ANTXR1: variants seen among roughly 807,000 people sequenced by gnomAD.
The protein encoded by ANTXR1 is ANTXR cell adhesion molecule 1.
ANTXR1 carries 19 observed loss-of-function variants against 78.1 expected under a neutral mutation model. The observed-to-expected ratio is 0.24, with a 90% CI of 0.17 to 0.36. ANTXR1 has a LOEUF of 0.36. Among genes scored for constraint, ANTXR1 ranks in the 10% least tolerant of loss-of-function variants. The pLI, the probability that ANTXR1 is intolerant of heterozygous loss-of-function variation, is 1.00. For missense variants in ANTXR1, 518 were observed against 718.6 expected, an observed-to-expected ratio of 0.72 and a Z score of 3.19; for synonymous variants, 273 against 260.5, an observed-to-expected ratio of 1.05 and a Z score of -0.46.
rs565553225 is a variant in ANTXR1 at position 69,107,393 on chromosome 2, C to T, written c.802+4453C>T. On this transcript the variant is annotated intron_variant, in intron 10 of 17. Coordinates refer to ENST00000303714, the MANE Select transcript of ANTXR1 (RefSeq NM_032208.3). ...TAGCTAGGACCACAGATGTGAGCCACCACACCTGGCTAATTTTTGTATTTT... is the reference window on the plus strand; with the variant it reads ...TAGCTAGGACCACAGATGTGAGCCATCACACCTGGCTAATTTTTGTATTTT... Among the ~76,000 whole-genome samples the T allele has an allele frequency of 1.8e-4, 27 of 152,200 alleles. No individual in the cohort carries two copies. The South Asian group carries it at 5.6e-3, about 32-fold the overall frequency.
At chr2:69,132,323 G>A (rs1672774489) in intron 12 of ANTXR1, among the ~76,000 whole-genome samples, 1 of 152,204 alleles carries the variant, frequency 6.6e-6, no homozygotes, top group Non-Finnish European at 1.5e-5. Context: ...AGCAGAGGAG[G>A]GCAGTGACCA....
chr2:69,091,424 T>G (rs1466123388), intron 9 of ANTXR1, among the ~76,000 whole-genome samples: 1 of 116,420 alleles, frequency 8.6e-6, no homozygotes, highest in African/African-American at 3.5e-5. Context: ...CCAGCCTGGG[T>G]GACAGAGCAA....
chr2:69,193,219 T>A (rs1377121242), intron 16 of ANTXR1, 116 bp from the exon 17 acceptor site: 2 of 819,584 alleles, frequency 2.4e-6, no homozygotes, highest in African/African-American at 3.4e-5. Flanking sequence ...CATGACCATA[T>A]TGACAGTGTT....
At chr2:69,169,556 A>G (rs1207258479) in intron 13 of ANTXR1, among the ~76,000 whole-genome samples, 1 of 152,228 alleles carries the variant, frequency 6.6e-6, no homozygotes, top group Non-Finnish European at 1.5e-5. Context: ...CATGGGTTAG[A>G]CTGTCTCCCA....
At chr2:69,182,131 C>T (rs1343917524) in intron 15 of ANTXR1, 19 of 570,844 alleles carry the variant, frequency 3.3e-5, no homozygotes, top group Admixed American at 2.1e-4. Context: ...CTGTGCGTTT[C>T]CATGTCTTGC....
chr2:69,203,974 C>T lies in ANTXR1; in HGVS notation c.1434+10559C>T, dbSNP rs182317637. On this transcript the variant is annotated intron_variant, in intron 17 of 17. Transcript: ENST00000303714. ...TCAAATTCTCCGACCTCATTTTTTC[C>T]CTTCCAAACAAAATCAGGATTGAGG... Among the ~76,000 whole-genome samples the T allele has an allele frequency of 1.2e-3, 187 of 152,212 alleles. No individual in the cohort carries two copies. In the Middle Eastern group the frequency reaches 0.024, roughly 19 times the overall value.
At chr2:69,157,747 G>A (rs1365769883) in intron 13 of ANTXR1, among the ~76,000 whole-genome samples, 2 of 152,186 alleles carry the variant, frequency 1.3e-5, no homozygotes, top group Non-Finnish European at 1.5e-5. Context: ...GGATACCATT[G>A]TCTTACTCTA....
intron 10 of ANTXR1, among the ~76,000 whole-genome samples, chr2:69,104,822 G>A (rs539415395): frequency 3.0e-4 from 46 of 152,288 alleles, no homozygotes; most frequent in Admixed American, 1.9e-3. Context: ...GGTGGCTCAC[G>A]CCTGTAATCC....
chr2:69,033,145 C>T (rs1014466062), intron 1 of ANTXR1, among the ~76,000 whole-genome samples: 4 of 152,288 alleles, frequency 2.6e-5, no homozygotes, highest in Middle Eastern at 6.8e-3. Flanking sequence ...GTCCTGGGGT[C>T]TCTGTGACAC....
intron 17 of ANTXR1, among the ~76,000 whole-genome samples, chr2:69,203,518 G>A (rs1047346630): frequency 3.9e-5 from 6 of 152,186 alleles, no homozygotes; most frequent in Non-Finnish European, 5.9e-5. Flanking sequence ...ACCCAAAGTT[G>A]ATGCTGCAAA....
intron 1 of ANTXR1, among the ~76,000 whole-genome samples, chr2:69,027,074 A>T (rs145078528): frequency 6.6e-6 from 1 of 152,336 alleles, no homozygotes; most frequent in African/African-American, 2.4e-5. Flanking sequence ...GAATAATCCC[A>T]GATCTGGAAG....
At chr2:69,126,808 G>A (rs993549716) in intron 12 of ANTXR1, among the ~76,000 whole-genome samples, 6 of 152,126 alleles carry the variant, frequency 3.9e-5, no homozygotes, top group South Asian at 2.1e-4. Flanking sequence ...CCCAACCCAC[G>A]GCAGCCTCCA....
chr2:69,125,518 G>C (rs952491928), intron 12 of ANTXR1, among the ~76,000 whole-genome samples: 1 of 152,134 alleles, frequency 6.6e-6, no homozygotes, highest in Non-Finnish European at 1.5e-5. Flanking sequence ...CTGTCAGGGG[G>C]CAGTCAGGGC....
At chr2:69,137,391 G>A (rs149690040) in intron 12 of ANTXR1, among the ~76,000 whole-genome samples, 56 of 152,210 alleles carry the variant, frequency 3.7e-4, no homozygotes, top group Non-Finnish European at 6.8e-4. Context: ...GAAGGCATAT[G>A]GCCTAAGAAC....
rs1476787484 is a variant in ANTXR1 at position 69,013,668 on chromosome 2, G to A, written c.152+17G>A. 2 of 1,551,200 alleles carry A rather than the reference G, an allele frequency of 1.3e-6. No individual in the cohort carries two copies. The highest frequency in any genetic ancestry group is 1.4e-5 in the African/African-American group (1 of 72,834). On this transcript the variant is annotated intron_variant, in intron 1 of 17. Transcript: ENST00000303714. The surrounding 1 kb of genome is among the most constrained non-coding windows in gnomAD (Gnocchi z 5.0). ...TTTGGACAAGTAAGTGCCGCGAGTT[G>A]TCCCCCCCACCCCAGGCTAAGCGGG...
chr2:69,201,982 T>C (rs949152097), intron 17 of ANTXR1, among the ~76,000 whole-genome samples: 5 of 152,118 alleles, frequency 3.3e-5, no homozygotes, highest in African/African-American at 1.2e-4. Flanking sequence ...CCTCCTTAAA[T>C]TTTGTGCCCT....
At chr2:69,179,270 T>C (rs1674214178) in intron 14 of ANTXR1, among the ~76,000 whole-genome samples, 2 of 152,194 alleles carry the variant, frequency 1.3e-5, no homozygotes, top group Admixed American at 6.5e-5. Context: ...ATTAAGTCCA[T>C]GTGCGGTGGC....
chr2:69,184,340 T>C (rs555052659), intron 16 of ANTXR1, among the ~76,000 whole-genome samples: 35 of 152,326 alleles, frequency 2.3e-4, no homozygotes, highest in Admixed American at 1.9e-3. Context: ...TCTGGGGTAA[T>C]GGATTGAACT....
chr2:69,062,837 G>A (rs1244076789), intron 3 of ANTXR1, among the ~76,000 whole-genome samples: 1 of 151,992 alleles, frequency 6.6e-6, no homozygotes, highest in East Asian at 1.9e-4. Context: ...ACAGGAAAAG[G>A]TGAATACAAT....
Sources: allele counts gnomAD v4.1 joint callset (sites outside exome capture counted in the v4.1 genomes callset), GRCh38; gene constraint gnomAD v4.1.1; non-coding constraint Gnocchi (gnomAD v3.1); transcripts MANE v1.5; gene names NCBI Gene and HGNC (gene_info 2026-07-23, HGNC 2026-07-21).